Variants in HOXD13 observed in about 807,000 individuals in gnomAD.
The protein encoded by HOXD13 is homeobox protein Hox-D13.
A neutral mutation model predicts 27.3 loss-of-function variants in HOXD13; 16 were observed. That is an observed-to-expected ratio of 0.59 (90% CI 0.40 to 0.89). The LOEUF (loss-of-function observed/expected upper bound fraction) is 0.89, where lower values mean the gene tolerates loss of function less well. HOXD13 is among the 40% of genes least tolerant of loss of function. The pLI is 0.00. For synonymous variants in HOXD13, 241 were observed against 219.0 expected (o/e 1.10, Z -0.89); for missense variants, 481 against 482.6 (o/e 1.00, Z 0.03).
the HOXD13 span, among the ~76,000 whole-genome samples, chr2:176,087,620 G>A: frequency 6.6e-6 from 1 of 152,194 alleles, no homozygotes; most frequent in Non-Finnish European, 1.5e-5. Flanking sequence ...GCCAAGGCTG[G>A]GAACAGGCCT....
upstream of HOXD13, among the ~76,000 whole-genome samples, chr2:176,090,343 T>C (rs551570187): frequency 1.3e-5 from 2 of 152,356 alleles, no homozygotes; most frequent in South Asian, 4.1e-4. Context: ...TTTGCCCTGC[T>C]CTGAGAGGGT....
chr2:176,091,758 A>T (rs561028602), upstream of HOXD13, among the ~76,000 whole-genome samples: 5 of 152,264 alleles, frequency 3.3e-5, no homozygotes, highest in East Asian at 9.7e-4. Context: ...GAAGTTTTCA[A>T]TTAATTTGGT....
Position 176,094,488 on chromosome 2 carries a change from G to C in HOXD13, c.790G>C (p.Ala264Pro). 6.2e-7 allele frequency: 1 copy of C among 1,613,492 alleles called. No homozygotes were observed. The highest frequency in any genetic ancestry group is 8.5e-7 in the Non-Finnish European group (1 of 1,179,810). ...GCTTTTGTTTGTATCAGGGGATGTG[G>C]CTCTAAATCAGCCGGACATGTGCGT... ...FWKSSFPGDV[A>P]LNQPDMCVYR... The change falls in exon 2 of 2, where the codon GCT becomes CCT. Residue 264 changes from alanine to proline, a missense_variant. Coordinates refer to ENST00000392539, the MANE Select transcript of HOXD13 (RefSeq NM_000523.4).
chr2:176,092,206 A>C (rs911200154), upstream of HOXD13, among the ~76,000 whole-genome samples: 3 of 152,138 alleles, frequency 2.0e-5, no homozygotes, highest in Non-Finnish European at 4.4e-5. Flanking sequence ...AAATTAGCTC[A>C]CTCGGATTTG....
At chr2:176,090,437 C>A (rs932248929), upstream of HOXD13, among the ~76,000 whole-genome samples, 2 of 152,240 alleles carry the variant, frequency 1.3e-5, no homozygotes, top group African/African-American at 4.8e-5. Context: ...CCCACTCCTG[C>A]ACAACTTAAT....
chr2:176,094,720 C>T lies in HOXD13; in HGVS notation c.1022C>T (p.Thr341Ile). 2 of 1,614,026 alleles carry T rather than the reference C, an allele frequency of 1.2e-6. No homozygotes were observed. Among genetic ancestry groups the T allele is most frequent in the South Asian group, 1.1e-5 (1 of 91,070 alleles). Residue 341 changes from threonine to isoleucine, a missense_variant, in exon 2 of 2, where the codon ACT (threonine) becomes ATT (isoleucine). Coordinates refer to ENST00000392539, the MANE Select transcript of HOXD13 (RefSeq NM_000523.4). ...DKKIVSKLKD[T>I]VS is the part of the protein sequence containing the mutation. ...AAAATTGTCTCCAAGCTCAAAGATA[C>T]TGTCTCCTGATGTGGTCCAGGTTGG...
At position 176,092,741 on chromosome 2, in the gene HOXD13, G is replaced by A; in HGVS notation, c.-150G>A. The A allele has an allele frequency of 2.2e-6, 1 of 448,896 alleles. No homozygotes were observed. The highest frequency in any genetic ancestry group is 3.5e-6 in the Non-Finnish European group (1 of 282,610). 27.8% of individuals were successfully genotyped at this position (448,896 alleles called of 1,614,324 possible). On this transcript the variant is annotated 5_prime_UTR_variant, in exon 1 of 2. Transcript: ENST00000392539. ...AACCTGTTGGAGGGCAGGCGGGCCG[G>A]AGGCGGGAGGCTCACAGAGGGAGAG...
rs1689393876 is a variant in HOXD13, at chr2:176,095,118, G to A, written c.*388G>A. 2 of 334,374 alleles carry A rather than the reference G, an allele frequency of 6.0e-6. No individual in the cohort carries two copies. Among genetic ancestry groups the A allele is most frequent in the African/African-American group, 4.2e-5 (2 of 47,242 alleles). The allele number at this position is 334,374 out of a possible 1,614,324, so 20.7% of individuals were successfully genotyped here. A position where few individuals can be genotyped will look rare whatever the true frequency, so the allele number is the denominator to read the frequency against. On this transcript the variant is annotated 3_prime_UTR_variant, in exon 2 of 2. Transcript: ENST00000392539. ...AAATTACTTTATTTGTTCATTCCCAGCACTGATTATCTTCATAATCCATTA... is the reference window on the plus strand; with the variant it reads ...AAATTACTTTATTTGTTCATTCCCAACACTGATTATCTTCATAATCCATTA...
the HOXD13 span, among the ~76,000 whole-genome samples, chr2:176,087,543 C>T: frequency 5.9e-5 from 9 of 152,380 alleles, no homozygotes; most frequent in Admixed American, 5.2e-4. Context: ...GCGTGAGCCA[C>T]TGCGCCCCTC....
At chr2:176,091,561 G>A (rs1174283162), upstream of HOXD13, among the ~76,000 whole-genome samples, 1 of 152,146 alleles carries the variant, frequency 6.6e-6, no homozygotes, top group Non-Finnish European at 1.5e-5. Flanking sequence ...TGGTTCCAGA[G>A]CTGGACCTAG....
chr2:176,089,189 A>G (rs1246518024), upstream of HOXD13, among the ~76,000 whole-genome samples: 2 of 151,794 alleles, frequency 1.3e-5, no homozygotes, highest in Non-Finnish European at 2.9e-5. Flanking sequence ...TTTTTTCACA[A>G]TAGGTTTGGT....
At chr2:176,092,013 A>G (rs1014410378), upstream of HOXD13, among the ~76,000 whole-genome samples, 3 of 152,092 alleles carry the variant, frequency 2.0e-5, no homozygotes, top group African/African-American at 2.4e-5. Context: ...TCTTTCTGGG[A>G]CAGATTGTCA....
At chr2:176,088,699 T>C (rs1011933023), upstream of HOXD13, among the ~76,000 whole-genome samples, 4 of 152,212 alleles carry the variant, frequency 2.6e-5, no homozygotes, top group Non-Finnish European at 2.9e-5. Flanking sequence ...TATCTCAAGC[T>C]ACCGACAGAG....
At chr2:176,091,160 C>A (rs1378028906), upstream of HOXD13, among the ~76,000 whole-genome samples, 1 of 152,224 alleles carries the variant, frequency 6.6e-6, no homozygotes, top group Admixed American at 6.5e-5. Flanking sequence ...AGCAGCCTAC[C>A]CTGAAATGCC....
Position 176,094,562 on chromosome 2 carries a change from T to G in HOXD13, c.864T>G (p.Leu288=), listed in dbSNP as rs760465283. 5.6e-6 allele frequency: 9 copies of G among 1,614,038 alleles called. No homozygotes were observed. The highest frequency in any genetic ancestry group is 6.8e-6 in the Non-Finnish European group (8 of 1,179,912). The change falls in exon 2 of 2, where the codon CTT becomes CTG. Residue 288 remains leucine (L), a synonymous_variant. Coordinates refer to ENST00000392539, the MANE Select transcript of HOXD13 (RefSeq NM_000523.4). ...KKRVPYTKLQ[L]KELENEYAIN... ...GAGTGCCTTACACCAAACTGCAGCT[T>G]AAAGAACTGGAGAACGAGTATGCCA...
At chr2:176,089,640 C>G (rs945720649), upstream of HOXD13, among the ~76,000 whole-genome samples, 1 of 152,192 alleles carries the variant, frequency 6.6e-6, no homozygotes, top group African/African-American at 2.4e-5. Flanking sequence ...TTTGAAAGAT[C>G]ATCTACTAGG....
upstream of HOXD13, among the ~76,000 whole-genome samples, chr2:176,088,891 A>G (rs1013850528): frequency 1.3e-5 from 2 of 152,316 alleles, no homozygotes; most frequent in South Asian, 2.1e-4. Flanking sequence ...TCCCTTTCAC[A>G]GTGAGATTAG....
In HOXD13 at chr2:176,095,651, G is replaced by A. The variant is rs1689401205; in HGVS notation, c.*921G>A. The A allele has an allele frequency of 8.8e-6, 2 of 228,208 alleles. No homozygotes were observed. The highest frequency in any genetic ancestry group is 1.7e-5 in the Non-Finnish European group (2 of 114,840). 14.1% of individuals were successfully genotyped at this position (228,208 alleles called of 1,614,324 possible). A position where few individuals can be genotyped will look rare whatever the true frequency, so the allele number is the denominator to read the frequency against. ...GGCCGTGGGTGGGAACTTACATACAGAACCCAATGAAGAACTTGACTGTCT... is the reference window on the plus strand; with the variant it reads ...GGCCGTGGGTGGGAACTTACATACAAAACCCAATGAAGAACTTGACTGTCT... On this transcript the variant is annotated 3_prime_UTR_variant, in exon 2 of 2. Transcript: ENST00000392539.
Position 176,095,021 on chromosome 2 carries a change from TG to T in HOXD13, c.*292del, listed in dbSNP as rs1193444224. ...CCCTCCAGGCCAGTATAAAGGGACTTGAAGTATTTTTTAATAATCCGCCCCC... is the reference window on the plus strand; with the variant it reads ...CCCTCCAGGCCAGTATAAAGGGACTTAAGTATTTTTTAATAATCCGCCCCC... On this transcript the variant is annotated 3_prime_UTR_variant, in exon 2 of 2. Coordinates refer to ENST00000392539, the MANE Select transcript of HOXD13 (RefSeq NM_000523.4). The T allele has an allele frequency of 2.5e-6, 1 of 404,606 alleles. No individual in the cohort carries two copies. Among genetic ancestry groups the T allele is most frequent in the African/African-American group, 2.0e-5 (1 of 49,934 alleles). 25.1% of individuals were successfully genotyped at this position (404,606 alleles called of 1,614,324 possible).
Sources: gnomAD v4.1 joint callset for allele counts (sites outside exome capture counted in the v4.1 genomes callset) on GRCh38, gnomAD v4.1.1 for gene constraint, MANE v1.5 for transcripts, NCBI Gene and HGNC (gene_info 2026-07-23, HGNC 2026-07-21) for gene names.